The following KIF13B variants were observed in gnomAD, a reference collection of about 807,000 sequenced individuals.
KIF13B encodes the protein kinesin family member 13B.
In KIF13B, 127 loss-of-function variants were observed where a neutral mutation model predicts 222.0. The ratio of observed to expected loss-of-function variants is 0.57; its 90% CI spans 0.50 to 0.66. KIF13B has a LOEUF of 0.66. Among genes scored for constraint, KIF13B ranks in the 30% least tolerant of loss-of-function variants. KIF13B has a pLI of 0.00. For missense variants in KIF13B, 2,173 were observed against 2,379.0 expected (o/e 0.91, Z 1.80); for synonymous variants, 976 against 919.0 (o/e 1.06, Z -1.12).
intron 37 of KIF13B, among the ~76,000 whole-genome samples, chr8:29,084,660 A>G (rs1042670599): frequency 3.9e-5 from 6 of 152,226 alleles, no homozygotes; most frequent in African/African-American, 1.4e-4. Context: ...CAAAGACGCC[A>G]TTTACAGTTC....
rs1811103437 is a variant in KIF13B at position 29,147,391 on chromosome 8, C to T, written c.2024+1G>A. 6.3e-7 allele frequency: 1 copy of T among 1,599,008 alleles called. No homozygotes were observed. The highest frequency in any genetic ancestry group is 1.1e-5 in the South Asian group (1 of 88,460). On this transcript the variant is annotated splice_donor_variant, in intron 17 of 39. Transcript: ENST00000524189. LOFTEE classifies it high-confidence loss of function. ...TTAACAGGCCCCTCTGTGCCGCCTACCTCTCCTCAGCCCACTGTCTTAAGC... is the reference window on the plus strand; with the variant it reads ...TTAACAGGCCCCTCTGTGCCGCCTATCTCTCCTCAGCCCACTGTCTTAAGC...
At position 29,132,364 on chromosome 8, in the gene KIF13B, GT is replaced by G; in HGVS notation, c.2885del (p.Asn962ThrfsTer24). On this transcript the variant is annotated frameshift_variant, in exon 23 of 40. Transcript: ENST00000524189. LOFTEE classifies it high-confidence loss of function. ...TGATTCCCAAATCCCACAGGGCGGG[GT>G]TTTTCCGGGGATCGTTTATTTTATG... ...YGHKINDPRK[N>X]PALWDLGIIQ... is the part of the protein sequence containing the mutation. The G allele has an allele frequency of 6.3e-7, 1 of 1,592,744 alleles. No homozygotes were observed. Among genetic ancestry groups the G allele is most frequent in the Non-Finnish European group, 8.6e-7 (1 of 1,168,630 alleles).
intron 10 of KIF13B, among the ~76,000 whole-genome samples, chr8:29,171,516 T>C (rs1457607092): frequency 6.6e-6 from 1 of 152,082 alleles, no homozygotes; most frequent in Non-Finnish European, 1.5e-5. Flanking sequence ...ATACTGGAAG[T>C]ATGCCCATGT....
At chr8:29,178,682 T>C (rs183551624) in intron 8 of KIF13B, among the ~76,000 whole-genome samples, 82 of 151,442 alleles carry the variant, frequency 5.4e-4, no homozygotes, top group Non-Finnish European at 9.7e-4. Flanking sequence ...CTTCAGTATG[T>C]TTTTTGTTTT....
intron 2 of KIF13B, among the ~76,000 whole-genome samples, chr8:29,197,151 A>T (rs1340391793): frequency 6.6e-6 from 1 of 151,288 alleles, no homozygotes; most frequent in Non-Finnish European, 1.5e-5. Context: ...TCCCGGCTAA[A>T]ACGGTGAAAC....
intron 23 of KIF13B, 32 bp from the exon 24 acceptor site, chr8:29,130,697 T>C (rs760881361): frequency 2.9e-5 from 46 of 1,611,006 alleles, no homozygotes; most frequent in Non-Finnish European, 3.6e-5. Context: ...TGGAAAATCA[T>C]ACATTTCTAT....
At chr8:29,171,757 T>A (rs1337640559) in intron 10 of KIF13B, among the ~76,000 whole-genome samples, 1 of 147,062 alleles carries the variant, frequency 6.8e-6, no homozygotes, top group Non-Finnish European at 1.5e-5. Context: ...TTTTTTTTTC[T>A]TCTTTTTTTT....
chr8:29,222,792 G>A (rs1248767125), intron 2 of KIF13B, among the ~76,000 whole-genome samples: 2 of 151,964 alleles, frequency 1.3e-5, no homozygotes, highest in Admixed American at 6.6e-5. Context: ...TCACTTAGTG[G>A]CACTTTGCTT....
intron 1 of KIF13B, among the ~76,000 whole-genome samples, chr8:29,251,154 GA>G (rs201091788): frequency 2.0e-5 from 3 of 149,378 alleles, no homozygotes; most frequent in African/African-American, 7.4e-5. Context: ...CTGTCTGGAA[GA>G]AAAAAAAAGG....
intron 2 of KIF13B, among the ~76,000 whole-genome samples, chr8:29,214,275 T>A (rs1459045591): frequency 6.6e-6 from 1 of 151,296 alleles, no homozygotes; most frequent in African/African-American, 2.5e-5. Flanking sequence ...ACTTTTTGAT[T>A]CTTGTAATAA....
In KIF13B at chr8:29,226,658, C is replaced by T. The variant is rs199623520; in HGVS notation, c.149+18688G>A. 3.3e-5 allele frequency among the ~76,000 whole-genome samples: 5 copies of T among 152,180 alleles called. No individual in the cohort carries two copies. In the East Asian group the frequency reaches 9.6e-4, roughly 29 times the overall value. On this transcript the variant is annotated intron_variant, in intron 2 of 39. Coordinates refer to ENST00000524189, the MANE Select transcript of KIF13B (RefSeq NM_015254.4). ...TAACTTACCAGAAAGCAGTGAAGAT[C>T]TTAAGAACAGTCAAGACTAAATGTT...
At chr8:29,165,984 C>T (rs1339780040) in intron 11 of KIF13B, among the ~76,000 whole-genome samples, 2 of 150,358 alleles carry the variant, frequency 1.3e-5, no homozygotes, top group African/African-American at 5.0e-5. Context: ...AAAAAGAAGG[C>T]TTTTTCCTTT....
intron 18 of KIF13B, among the ~76,000 whole-genome samples, chr8:29,143,444 C>G (rs1173863503): frequency 6.6e-6 from 1 of 152,224 alleles, no homozygotes; most frequent in Non-Finnish European, 1.5e-5. Flanking sequence ...ATACCAGTTT[C>G]CAAATATGCA....
At chr8:29,073,759 G>A (rs2133475445) in intron 38 of KIF13B, among the ~76,000 whole-genome samples, 1 of 152,186 alleles carries the variant, frequency 6.6e-6, no homozygotes, top group East Asian at 1.9e-4. Flanking sequence ...CCCAGGAACT[G>A]TCCTTTATAT....
chr8:29,133,025 T>A (rs908985377), intron 22 of KIF13B, among the ~76,000 whole-genome samples: 2 of 152,328 alleles, frequency 1.3e-5, no homozygotes, highest in South Asian at 4.1e-4. Context: ...AATCACAGAA[T>A]CTCCTATCTC....
chr8:29,191,137 T>C, intron 3 of KIF13B, 80 bp from the exon 4 acceptor site: 4 of 1,092,956 alleles, frequency 3.7e-6, no homozygotes, highest in Middle Eastern at 3.1e-4. Flanking sequence ...CTGTTCATAA[T>C]AGTGAAATAA....
In KIF13B at chr8:29,071,805, G is replaced by A. The variant is rs1226630898; in HGVS notation, c.5033C>T (p.Pro1678Leu). Residue 1678 changes from proline (P) to leucine (L), a missense_variant, in exon 39 of 40, where the codon CCG becomes CTG. Around this residue, in one of 2 missense-constraint regions of KIF13B, gnomAD observed 693 missense variants for 656.2 expected, o/e 1.06. Transcript: ENST00000524189. This position sits in a 1 kb window ranked among gnomAD's most constrained non-coding sequence, Gnocchi z 4.9. ...GCSPGAEGNAPAPGAGGQALA... is the reference protein window; with the variant it reads ...GCSPGAEGNALAPGAGGQALA... ...GGCCTGTCCCCCGGCGCCCGGGGCC[G>A]GCGCATTCCCCTCGGCCCCCGGGGA... The A allele has an allele frequency of 6.5e-6, 10 of 1,545,446 alleles. No homozygotes were observed. Among genetic ancestry groups the A allele is most frequent in the Admixed American group, 2.0e-5 (1 of 50,922 alleles).
chr8:29,144,671 T>C (rs1028936379), intron 18 of KIF13B, among the ~76,000 whole-genome samples: 2 of 152,196 alleles, frequency 1.3e-5, no homozygotes, highest in Non-Finnish European at 2.9e-5. Flanking sequence ...GGGAGAATGC[T>C]GGACCTGGGA....
At chr8:29,150,583 T>C (rs1370717192) in intron 14 of KIF13B, among the ~76,000 whole-genome samples, 200 bp from the exon 15 acceptor site, 1 of 152,210 alleles carries the variant, frequency 6.6e-6, no homozygotes, top group Non-Finnish European at 1.5e-5. Context: ...CACAGGCACA[T>C]CTCATTTTAC....
Sources: allele counts gnomAD v4.1 joint callset (sites outside exome capture counted in the v4.1 genomes callset), GRCh38; gene constraint gnomAD v4.1.1; regional missense constraint gnomAD v4.1.1; non-coding constraint Gnocchi (gnomAD v3.1); transcripts MANE v1.5; gene names NCBI Gene and HGNC (gene_info 2026-07-23, HGNC 2026-07-21).